NDUFA10: variants seen among roughly 807,000 people sequenced by gnomAD.
NDUFA10 encodes the protein NADH dehydrogenase [ubiquinone] 1 alpha subcomplex subunit 10, mitochondrial.
A neutral mutation model predicts 47.8 loss-of-function variants in NDUFA10; 40 were observed. The ratio of observed to expected loss-of-function variants is 0.84; its 90% CI spans 0.65 to 1.09. NDUFA10 has a LOEUF of 1.09. Ranked by LOEUF, NDUFA10 falls within the 50% of genes least tolerant of loss-of-function variation. The pLI is 0.00. For synonymous variants in NDUFA10, 183 were observed against 172.2 expected, an observed-to-expected ratio of 1.06 and a Z score of -0.49; for missense variants, 413 against 451.1, an observed-to-expected ratio of 0.92 and a Z score of 0.76.
chr2:239,983,544 G>A lies in NDUFA10; in HGVS notation c.999+6530C>T, dbSNP rs892874293. 4.4e-6 allele frequency: 7 copies of A among 1,602,186 alleles called. No homozygotes were observed. The African/African-American group carries it at 6.7e-5, about 15-fold the overall frequency. Reference sequence around the variant, plus strand: ...AACAAAGGAACATAAAGGCTGTGGTGTGCATGGGGCTTTCTGGAAAGAGGA... The same window carrying A: ...AACAAAGGAACATAAAGGCTGTGGTATGCATGGGGCTTTCTGGAAAGAGGA... On this transcript the variant is annotated intron_variant, in intron 9 of 9. Transcript: ENST00000252711.
At chr2:239,951,501 G>A (rs1161258160) in intron 4 of NDUFA10, among the ~76,000 whole-genome samples, 3 of 152,160 alleles carry the variant, frequency 2.0e-5, no homozygotes, top group Non-Finnish European at 2.9e-5. Context: ...GGGCAGCCGT[G>A]TCCCAGGGAT....
chr2:239,935,415 G>A (rs1407771114), intron 4 of NDUFA10, among the ~76,000 whole-genome samples: 2 of 152,226 alleles, frequency 1.3e-5, no homozygotes, highest in African/African-American at 2.4e-5. Context: ...CCTGCAGGCC[G>A]ACAGGGCCGT....
chr2:240,023,468 G>A (rs1269194267), intron 1 of NDUFA10, among the ~76,000 whole-genome samples: 7 of 152,172 alleles, frequency 4.6e-5, no homozygotes, highest in Admixed American at 3.9e-4. Flanking sequence ...ACTGCTAATG[G>A]TAATGAAACC....
chr2:239,929,545 C>G (rs1189276328), intron 4 of NDUFA10, among the ~76,000 whole-genome samples: 1 of 152,162 alleles, frequency 6.6e-6, no homozygotes, highest in Admixed American at 6.5e-5. Context: ...CTCACAAGCC[C>G]GGGAAGTGCG....
chr2:240,018,663 A>G lies in NDUFA10; in HGVS notation c.461-24T>C, dbSNP rs1352046888. The G allele has an allele frequency of 1.9e-6, 3 of 1,612,966 alleles. No individual in the cohort carries two copies. In the Admixed American group the frequency reaches 5.0e-5, roughly 27 times the overall value. Reference sequence around the variant, plus strand: ...TCCTGTTTAAACATAGGCAAACAGAAATTGAAAATCAGACAGATAGCAAAG... The same window carrying G: ...TCCTGTTTAAACATAGGCAAACAGAGATTGAAAATCAGACAGATAGCAAAG... On this transcript the variant is annotated intron_variant, in intron 3 of 9. Coordinates refer to ENST00000252711, the MANE Select transcript of NDUFA10 (RefSeq NM_004544.4).
intron 4 of NDUFA10, among the ~76,000 whole-genome samples, chr2:239,939,892 G>T (rs10804407): frequency 0.29 from 44,843 of 152,180 alleles, 7,182 homozygotes; most frequent in Non-Finnish European, 0.36. Context: ...AGGCCAAGCT[G>T]CGATTCCATG....
intron 4 of NDUFA10, among the ~76,000 whole-genome samples, chr2:239,950,605 G>C (rs866618669): frequency 6.6e-6 from 1 of 152,222 alleles, no homozygotes; most frequent in Non-Finnish European, 1.5e-5. Context: ...ATAGCGTCAG[G>C]ATTTTAAGGT....
chr2:239,944,747 C>G (rs573245255), intron 4 of NDUFA10, among the ~76,000 whole-genome samples: 1 of 152,162 alleles, frequency 6.6e-6, no homozygotes, highest in Non-Finnish European at 1.5e-5. Flanking sequence ...TCTGCTCGCT[C>G]GTTAGCCAGG....
intron 4 of NDUFA10, among the ~76,000 whole-genome samples, chr2:239,927,854 AG>A (rs1261292600): frequency 2.0e-5 from 3 of 152,222 alleles, no homozygotes; most frequent in African/African-American, 4.8e-5. Context: ...AATGAGTGTG[AG>A]GAAAGCTGGC....
chr2:240,018,771 GA>G (rs1697478410), intron 3 of NDUFA10, 132 bp from the exon 4 acceptor site: 1 of 1,047,204 alleles, frequency 9.5e-7, no homozygotes, highest in African/African-American at 1.6e-5. Context: ...ATACTGAAAA[GA>G]ACATAGACAT....
intron 9 of NDUFA10, among the ~76,000 whole-genome samples, chr2:239,969,943 AG>A (rs1695244287): frequency 6.6e-6 from 1 of 152,236 alleles, no homozygotes; most frequent in African/African-American, 2.4e-5. Flanking sequence ...GATACATAAG[AG>A]TCCCCAAAAG....
intron 4 of NDUFA10, among the ~76,000 whole-genome samples, chr2:239,950,307 G>A (rs1474392304): frequency 2.6e-5 from 4 of 152,132 alleles, no homozygotes; most frequent in African/African-American, 4.8e-5. Context: ...TCAGGCCCCC[G>A]AGTCCTTGAG....
chr2:239,927,298 GTTA>G (rs1448339337), intron 4 of NDUFA10, among the ~76,000 whole-genome samples: 13 of 152,342 alleles, frequency 8.5e-5, no homozygotes, highest in Admixed American at 2.0e-4. Flanking sequence ...TAAGGTAAAT[GTTA>G]TTATAAAAGA....
At chr2:239,957,323 C>G (rs1574806498), downstream of NDUFA10, 1 of 152,178 alleles carries the variant, frequency 6.6e-6, no homozygotes, top group African/African-American at 2.4e-5. Flanking sequence ...GAGGAAACAG[C>G]TTTTTACAAA....
At chr2:239,946,027 G>GA (rs1184946537) in intron 4 of NDUFA10, among the ~76,000 whole-genome samples, 3 of 152,232 alleles carry the variant, frequency 2.0e-5, no homozygotes, top group African/African-American at 7.2e-5. Context: ...ATTCCGTTCT[G>GA]AACAGGGAGC....
intron 6 of NDUFA10, among the ~76,000 whole-genome samples, chr2:240,010,536 G>C (rs980081650): frequency 6.6e-6 from 1 of 152,012 alleles, no homozygotes; most frequent in African/African-American, 2.4e-5. Context: ...GTTTATTCAC[G>C]TTGGCTCTAG....
At chr2:239,974,036 C>T (rs192128195) in intron 9 of NDUFA10, among the ~76,000 whole-genome samples, 4 of 152,334 alleles carry the variant, frequency 2.6e-5, no homozygotes, top group African/African-American at 7.2e-5. Context: ...AAGTGATTCT[C>T]ATGCCTCAGC....
chr2:240,019,967 G>T (rs939412927), intron 3 of NDUFA10, among the ~76,000 whole-genome samples: 57 of 152,216 alleles, frequency 3.7e-4, no homozygotes, highest in African/African-American at 1.1e-3. Context: ...TTTCTTAGGA[G>T]TAACACTAAC....
chr2:239,991,169 C>G (rs1275904581), intron 8 of NDUFA10, among the ~76,000 whole-genome samples: 1 of 152,144 alleles, frequency 6.6e-6, no homozygotes, highest in Non-Finnish European at 1.5e-5. Context: ...CTGACCAGAA[C>G]CCAAGGCTCA....
Sources: gnomAD v4.1 joint callset for allele counts (sites outside exome capture counted in the v4.1 genomes callset) on GRCh38, gnomAD v4.1.1 for gene constraint, MANE v1.5 for transcripts, NCBI Gene and HGNC (gene_info 2026-07-23, HGNC 2026-07-21) for gene names.